IGF2R: variants seen among roughly 807,000 people sequenced by gnomAD.
The protein encoded by IGF2R is insulin like growth factor 2 receptor.
IGF2R carries 91 observed loss-of-function variants against 270.6 expected under a neutral mutation model. The ratio of observed to expected loss-of-function variants is 0.34; its 90% confidence interval spans 0.28 to 0.40. IGF2R has a LOEUF of 0.40. Among genes scored for constraint, IGF2R ranks in the 10% least tolerant of loss-of-function variants. The pLI is 1.00. For missense variants in IGF2R, 2,805 were observed against 3,188.3 expected (o/e 0.88, Z 2.90); for synonymous variants, 1,316 against 1,258.9 (o/e 1.05, Z -0.96).
At position 160,047,786 on chromosome 6, in the gene IGF2R, G is replaced by T. The variant is rs376013711; in HGVS notation, c.2230-6G>T. On this transcript the variant is annotated splice_polypyrimidine_tract_variant and splice_region_variant and intron_variant, in intron 16 of 47. Transcript: ENST00000356956. ...GCCATCCCTCCGCGCATCTGCCGTG[G>T]ATTAGGAAGAGGATAACTCCACCTA... is the stretch of plus-strand genomic sequence containing the variant. The T allele has an allele frequency of 1.6e-5, 25 of 1,585,978 alleles. No individual in the cohort carries two copies. In the African/African-American group the frequency reaches 2.0e-4, roughly 13 times the overall value.
At chr6:159,996,874 G>A (rs919140760) in intron 2 of IGF2R, among the ~76,000 whole-genome samples, 8 of 152,164 alleles carry the variant, frequency 5.3e-5, no homozygotes, top group Non-Finnish European at 8.8e-5. Flanking sequence ...GCAAGTCCTG[G>A]CTCAGTGGAA....
chr6:160,109,748 A>C lies in IGF2R; in HGVS notation c.*4664A>C, dbSNP rs928354897. 11 of 152,166 alleles carry C rather than the reference A, an allele frequency of 7.2e-5. No homozygotes were observed. 9.4% of individuals were successfully genotyped at this position (152,166 alleles called of 1,614,324 possible). A position where few individuals can be genotyped will look rare whatever the true frequency, so the allele number is the denominator to read the frequency against. On this transcript the variant is annotated 3_prime_UTR_variant, in exon 48 of 48. Coordinates refer to ENST00000356956, the MANE Select transcript of IGF2R (RefSeq NM_000876.4). ...GTAACCTCCATGACCTTGACACATGAGGTCACTCTTCTCACCCGCCCCACC... is the reference window on the plus strand; with the variant it reads ...GTAACCTCCATGACCTTGACACATGCGGTCACTCTTCTCACCCGCCCCACC...
intron 1 of IGF2R, among the ~76,000 whole-genome samples, chr6:159,974,645 G>C (rs763221489): frequency 2.6e-5 from 4 of 152,050 alleles, no homozygotes; most frequent in Non-Finnish European, 5.9e-5. Flanking sequence ...GGCTATCCTG[G>C]GCATTGTAGG....
At chr6:160,013,344 A>C (rs6918283) in intron 4 of IGF2R, among the ~76,000 whole-genome samples, 124 of 151,244 alleles carry the variant, frequency 8.2e-4, no homozygotes, top group African/African-American at 2.9e-3. Flanking sequence ...CAAAACAAAG[A>C]GGAATATGCC....
At chr6:160,078,126 T>C (rs2115280159) in intron 36 of IGF2R, 75 bp from the exon 37 acceptor site, 1 of 1,473,386 alleles carries the variant, frequency 6.8e-7, no homozygotes, top group Non-Finnish European at 9.4e-7. Context: ...ACAGCCCCTG[T>C]AGGGACGTGG....
rs950163735 is a variant in IGF2R, at chr6:160,070,209, C to T, written c.4443+151C>T. 18 of 752,978 alleles carry T rather than the reference C, an allele frequency of 2.4e-5. No individual in the cohort carries two copies. The South Asian group carries it at 2.4e-4, about 10-fold the overall frequency. The allele number at this position is 752,978 out of a possible 1,614,324, so 46.6% of individuals were successfully genotyped here. On this transcript the variant is annotated intron_variant, in intron 31 of 47. Transcript: ENST00000356956. The stretch of plus-strand genomic sequence containing the variant: ...TTACCAGAGGTTGGGGGAACAGCGT[C>T]GCCGCGGCCTGCAATCTGGGGAACC...
In IGF2R at chr6:160,109,113, T is replaced by C. The variant is rs1466694454; in HGVS notation, c.*4029T>C. 6.6e-6 allele frequency: 1 copy of C among 152,192 alleles called. No individual in the cohort carries two copies. The highest frequency in any genetic ancestry group is 2.4e-5 in the African/African-American group (1 of 41,416). The allele number at this position is 152,192 out of a possible 1,614,324, so 9.4% of individuals were successfully genotyped here. A position where few individuals can be genotyped will look rare whatever the true frequency, so the allele number is the denominator to read the frequency against. On this transcript the variant is annotated 3_prime_UTR_variant, in exon 48 of 48. Coordinates refer to ENST00000356956, the MANE Select transcript of IGF2R (RefSeq NM_000876.4). ...AAATTGAATAAAAAGTAATTGATAATGTTGTTTTGATGCTCAGTGTTTGAG... is the reference window on the plus strand; with the variant it reads ...AAATTGAATAAAAAGTAATTGATAACGTTGTTTTGATGCTCAGTGTTTGAG...
chr6:160,063,218 T>C (rs1778479967), intron 26 of IGF2R, among the ~76,000 whole-genome samples, 197 bp from the exon 27 acceptor site: 1 of 152,010 alleles, frequency 6.6e-6, no homozygotes, highest in Admixed American at 6.6e-5. Context: ...TTTGTATTTT[T>C]AGTAGAGACG....
At chr6:159,983,044 A>AT (rs1465099539) in intron 1 of IGF2R, among the ~76,000 whole-genome samples, 2 of 152,238 alleles carry the variant, frequency 1.3e-5, no homozygotes, top group African/African-American at 2.4e-5. Flanking sequence ...CTATATCTGT[A>AT]TCCCTATGAC....
chr6:160,071,522 C>T (rs1229666256), intron 31 of IGF2R, among the ~76,000 whole-genome samples: 1 of 152,174 alleles, frequency 6.6e-6, no homozygotes, highest in Non-Finnish European at 1.5e-5. Flanking sequence ...TTTGTTTTGA[C>T]TGTGATAATG....
intron 21 of IGF2R, among the ~76,000 whole-genome samples, chr6:160,058,643 C>T (rs1489068525): frequency 6.6e-6 from 1 of 152,136 alleles, no homozygotes; most frequent in Admixed American, 6.6e-5. Context: ...TTATTACATG[C>T]AGTAGATCTT....
Position 160,041,271 on chromosome 6 carries a change from TA to T in IGF2R, c.1480+548del, listed in dbSNP as rs1481104108. Among the ~76,000 whole-genome samples the T allele has an allele frequency of 2.0e-5, 3 of 152,180 alleles. No homozygotes were observed. The East Asian group carries it at 5.8e-4, about 29-fold the overall frequency. On this transcript the variant is annotated intron_variant, in intron 11 of 47. Coordinates refer to ENST00000356956, the MANE Select transcript of IGF2R (RefSeq NM_000876.4). ...ATCTGATGGGGGGGATTTCTGGTTT[TA>T]CCCTCTTGGCAGCTCAAATTAGGTG...
intron 1 of IGF2R, among the ~76,000 whole-genome samples, chr6:159,971,622 T>C (rs1488492189): frequency 6.6e-6 from 1 of 152,190 alleles, no homozygotes; most frequent in African/African-American, 2.4e-5. Context: ...AAACCCAACA[T>C]GTGCCAAGTG....
Position 160,058,141 on chromosome 6 carries a change from G to A in IGF2R, c.2898+17G>A, listed in dbSNP as rs756391926. ...ATTTTTATGGTAAGAGCGATATGAT[G>A]CATTTCCAGTTTGCTTTGAAACAGG... is the stretch of plus-strand genomic sequence containing the variant. On this transcript the variant is annotated intron_variant, in intron 21 of 47. Coordinates refer to ENST00000356956, the MANE Select transcript of IGF2R (RefSeq NM_000876.4). 5.2e-6 allele frequency: 8 copies of A among 1,530,130 alleles called. No homozygotes were observed. The highest frequency in any genetic ancestry group is 2.2e-5 in the East Asian group (1 of 44,450). 94.8% of individuals were successfully genotyped at this position (1,530,130 alleles called of 1,614,324 possible).
chr6:159,980,237 A>AAGGAAGGAAGGT (rs1554234706), intron 1 of IGF2R, among the ~76,000 whole-genome samples: 1 of 143,944 alleles, frequency 6.9e-6, no homozygotes, highest in African/African-American at 2.6e-5. Flanking sequence ...GAAAGAAAGA[A>AAGGAAGGAAGGT]AGGTACATGG....
chr6:160,030,689 T>C (rs1777676222), intron 7 of IGF2R, among the ~76,000 whole-genome samples: 1 of 152,228 alleles, frequency 6.6e-6, no homozygotes, highest in Admixed American at 6.5e-5. Flanking sequence ...CTACATTTGG[T>C]AAGAATCATT....
At position 160,034,503 on chromosome 6, in the gene IGF2R, T is replaced by G. The variant is rs1234633883; in HGVS notation, c.1296T>G (p.Phe432Leu). 1.9e-6 allele frequency: 3 copies of G among 1,609,976 alleles called. No individual in the cohort carries two copies. The African/African-American group carries it at 4.0e-5, about 22-fold the overall frequency. ...SGFQRMSVINFECNKTAGNDG... is the reference protein window; with the variant it reads ...SGFQRMSVINLECNKTAGNDG... ...TTCAGCGGATGAGCGTCATAAACTTTGAGTGCAATAAAACCGCAGGTAAGT... is the reference window on the plus strand; with the variant it reads ...TTCAGCGGATGAGCGTCATAAACTTGGAGTGCAATAAAACCGCAGGTAAGT... Residue 432 changes from phenylalanine (F) to leucine (L), a missense_variant, in exon 10 of 48, where the codon TTT becomes TTG. By Grantham distance (22) the Phe-to-Leu change is conservative. Coordinates refer to ENST00000356956, the MANE Select transcript of IGF2R (RefSeq NM_000876.4).
chr6:160,047,251 A>C lies in IGF2R; in HGVS notation c.2144A>C (p.Tyr715Ser). 6.2e-7 allele frequency: 1 copy of C among 1,613,516 alleles called. No individual in the cohort carries two copies. The part of the protein sequence containing the change: ...IQLNYRGGTP[Y>S]NNERHTPRAT... The stretch of plus-strand genomic sequence containing the variant: ...CTGAACTACAGAGGCGGCACACCCT[A>C]TAACAATGAAAGACACACACCGAGA... The change falls in exon 16 of 48, where the codon TAT (tyrosine) becomes TCT (serine). Residue 715 changes from tyrosine (Y) to serine (S), a missense_variant. Transcript: ENST00000356956.
chr6:160,064,519 C>A lies in IGF2R; in HGVS notation c.4005C>A (p.Arg1335=). The change falls in exon 28 of 48, where the codon CGC becomes CGA. Residue 1335 remains arginine (R), a synonymous_variant. Transcript: ENST00000356956. ...CAGCCATCTTCTTCTACTGTGACCG[C>A]GGCACCCAGCGGGTGAGCATGTACC... is the stretch of plus-strand genomic sequence containing the variant. ...RSTAIFFYCD[R]GTQRPVFLKE... is the part of the protein sequence containing the mutation. 6.2e-7 allele frequency: 1 copy of A among 1,614,110 alleles called. No homozygotes were observed. Among genetic ancestry groups the A allele is most frequent in the Non-Finnish European group, 8.5e-7 (1 of 1,180,004 alleles).
Sources: allele counts gnomAD v4.1 joint callset (sites outside exome capture counted in the v4.1 genomes callset), GRCh38; gene constraint gnomAD v4.1.1; transcripts MANE v1.5; gene names NCBI Gene and HGNC (gene_info 2026-07-23, HGNC 2026-07-21).